FAT3: variants seen among roughly 807,000 people sequenced by gnomAD.
FAT3 encodes the protein FAT atypical cadherin 3.
Under a neutral mutation model 310.2 loss-of-function variants are expected in FAT3, and 95 were observed. The ratio of observed to expected loss-of-function variants is 0.31; its 90% CI spans 0.26 to 0.36. FAT3 has a LOEUF of 0.36. Ranked by LOEUF, FAT3 falls within the 10% of genes least tolerant of loss-of-function variation. The pLI is 1.00. For synonymous variants in FAT3, 2,314 were observed against 2,192.9 expected (o/e 1.06, Z -1.54); for missense variants, 5,408 against 5,715.6 (o/e 0.95, Z 1.74).
chr11:92,809,763 T>C lies in FAT3; in HGVS notation c.9248-80T>C, dbSNP rs1947617317. The C allele has an allele frequency of 2.9e-6, 3 of 1,038,876 alleles. No homozygotes were observed. In the Admixed American group the frequency reaches 6.8e-5, roughly 23 times the overall value. The allele number at this position is 1,038,876 out of a possible 1,614,324, so 64.4% of individuals were successfully genotyped here. A position where few individuals can be genotyped will look rare whatever the true frequency, so the allele number is the denominator to read the frequency against. On this transcript the variant is annotated intron_variant, in intron 12 of 27. Transcript: ENST00000525166. ...AGTCCTTCCTATGTTGAGAATTGTTTGTATAATTGGTCCTCTGCTCTCCAA... is the reference window on the plus strand; with the variant it reads ...AGTCCTTCCTATGTTGAGAATTGTTCGTATAATTGGTCCTCTGCTCTCCAA...
At chr11:92,444,538 G>T (rs937196273) in intron 2 of FAT3, among the ~76,000 whole-genome samples, 1 of 151,814 alleles carries the variant, frequency 6.6e-6, no homozygotes, top group Non-Finnish European at 1.5e-5. Flanking sequence ...ATAAAAAATT[G>T]TGTTATGAGA....
At chr11:92,595,144 G>T (rs537554716) in intron 3 of FAT3, among the ~76,000 whole-genome samples, 1 of 152,124 alleles carries the variant, frequency 6.6e-6, no homozygotes, top group Non-Finnish European at 1.5e-5. Flanking sequence ...GCTTCTGTTT[G>T]GCAGGGATAA....
intron 3 of FAT3, among the ~76,000 whole-genome samples, chr11:92,601,486 T>C (rs966125898): frequency 2.6e-5 from 4 of 152,088 alleles, no homozygotes; most frequent in African/African-American, 9.7e-5. Flanking sequence ...TCCCAGCTAC[T>C]TGGGAGGCTG....
At chr11:92,699,059 C>T (rs1169564725) in intron 4 of FAT3, among the ~76,000 whole-genome samples, 1 of 152,182 alleles carries the variant, frequency 6.6e-6, no homozygotes, top group East Asian at 1.9e-4. Context: ...ATTCACTCCC[C>T]AAAGAACCCT....
chr11:92,327,206 C>T (rs140489018), intron 1 of FAT3, among the ~76,000 whole-genome samples: 97 of 152,154 alleles, frequency 6.4e-4, no homozygotes, highest in African/African-American at 2.1e-3. Flanking sequence ...TATTAAAAGG[C>T]ACCTAGACTG....
intron 1 of FAT3, among the ~76,000 whole-genome samples, chr11:92,281,452 G>A (rs180752244): frequency 6.6e-6 from 1 of 152,228 alleles, no homozygotes; most frequent in Admixed American, 6.5e-5. Flanking sequence ...TACCTGGAAA[G>A]CCTTCCGCAC....
intron 2 of FAT3, among the ~76,000 whole-genome samples, chr11:92,365,827 G>GGT (rs2134691900): frequency 6.6e-6 from 1 of 152,272 alleles, no homozygotes; most frequent in South Asian, 2.1e-4. Context: ...ATCCCATATT[G>GGT]GTGTGAAGAA....
At chr11:92,664,592 C>T (rs995957236) in intron 3 of FAT3, among the ~76,000 whole-genome samples, 2 of 152,108 alleles carry the variant, frequency 1.3e-5, no homozygotes, top group Non-Finnish European at 2.9e-5. Flanking sequence ...ATGTGTCACT[C>T]CTACCAACAC....
intron 2 of FAT3, among the ~76,000 whole-genome samples, chr11:92,363,994 G>A (rs1377054945): frequency 5.9e-5 from 9 of 151,800 alleles, no homozygotes; most frequent in Non-Finnish European, 1.5e-5. Context: ...TTTTAACTGT[G>A]GGCTGAGGGC....
At chr11:92,426,563 G>A (rs920107064) in intron 2 of FAT3, among the ~76,000 whole-genome samples, 3 of 152,152 alleles carry the variant, frequency 2.0e-5, no homozygotes, top group Non-Finnish European at 4.4e-5. Context: ...TAAGGTGTAA[G>A]GAAGGGGTCA....
At chr11:92,543,656 G>T (rs1423501912) in intron 3 of FAT3, among the ~76,000 whole-genome samples, 1 of 152,172 alleles carries the variant, frequency 6.6e-6, no homozygotes, top group Non-Finnish European at 1.5e-5. Flanking sequence ...AGTGCACATA[G>T]TGCACTGTAT....
intron 5 of FAT3, among the ~76,000 whole-genome samples, chr11:92,764,200 C>T (rs1474276328): frequency 1.3e-5 from 2 of 152,050 alleles, no homozygotes; most frequent in Admixed American, 6.6e-5. Context: ...GTCATTAGCC[C>T]TGTCTTCCCT....
At chr11:92,476,620 A>G (rs968823204) in intron 2 of FAT3, among the ~76,000 whole-genome samples, 1 of 152,228 alleles carries the variant, frequency 6.6e-6, no homozygotes, top group South Asian at 2.1e-4. Context: ...ATTGACTCTT[A>G]TCAAAACCTA....
intron 2 of FAT3, among the ~76,000 whole-genome samples, chr11:92,466,828 C>T (rs370210373): frequency 3.5e-4 from 52 of 147,144 alleles, no homozygotes; most frequent in Middle Eastern, 3.5e-3. Context: ...TGAGAACATG[C>T]GGTGTTTGGT....
intron 1 of FAT3, among the ~76,000 whole-genome samples, chr11:92,227,922 T>A (rs4451689): frequency 0.02 from 2,225 of 113,156 alleles, 68 homozygotes; most frequent in African/African-American, 0.062. Context: ...AAGTTTTTTT[T>A]ATTTTTTTTT....
chr11:92,354,345 A>T lies in FAT3; in HGVS notation c.2233A>T (p.Ile745Phe), dbSNP rs756568518. 2 of 1,613,926 alleles carry T rather than the reference A, an allele frequency of 1.2e-6. No individual in the cohort carries two copies. The highest frequency in any genetic ancestry group is 1.7e-6 in the Non-Finnish European group (2 of 1,179,870). ...VKEDLPVGAN[I>F]LKIKAYDADS... Reference sequence around the variant, plus strand: ...GGAGGATCTGCCAGTTGGTGCTAACATTCTGAAGATTAAAGCCTATGATGC... The same window carrying T: ...GGAGGATCTGCCAGTTGGTGCTAACTTTCTGAAGATTAAAGCCTATGATGC... The change falls in exon 2 of 28, where the codon ATT becomes TTT. Residue 745 changes from isoleucine (I) to phenylalanine (F), a missense_variant. Ile to Phe is a conservative substitution (Grantham distance 21). Around this residue, in one of 5 missense-constraint regions of FAT3, gnomAD observed 4,588 missense variants for 4,809.8 expected, o/e 0.95. Coordinates refer to ENST00000525166, the MANE Select transcript of FAT3 (RefSeq NM_001367949.2).
At chr11:92,336,681 T>C (rs1948094160) in intron 1 of FAT3, among the ~76,000 whole-genome samples, 2 of 152,216 alleles carry the variant, frequency 1.3e-5, no homozygotes, top group Admixed American at 6.5e-5. Context: ...ACTGAATTTT[T>C]TGGCCATTTT....
chr11:92,721,898 A>G (rs1263410228), intron 4 of FAT3, among the ~76,000 whole-genome samples: 1 of 152,092 alleles, frequency 6.6e-6, no homozygotes, highest in Non-Finnish European at 1.5e-5. Flanking sequence ...ATTCACTATT[A>G]TGAGAACAGC....
At chr11:92,655,548 CTGT>C (rs1166985088) in intron 3 of FAT3, among the ~76,000 whole-genome samples, 3 of 152,106 alleles carry the variant, frequency 2.0e-5, no homozygotes, top group African/African-American at 2.4e-5. Context: ...TTCATTGTGA[CTGT>C]TGTTGTTTCT....
Sources: gnomAD v4.1 joint callset for allele counts (sites outside exome capture counted in the v4.1 genomes callset) on GRCh38, gnomAD v4.1.1 for gene constraint, gnomAD v4.1.1 regional missense constraint, MANE v1.5 for transcripts, NCBI Gene and HGNC (gene_info 2026-07-23, HGNC 2026-07-21) for gene names.